ZNF207: variants seen among roughly 807,000 people sequenced by gnomAD.
The protein encoded by ZNF207 is zinc finger protein 207, also known as BUB3-interacting and GLEBS motif-containing protein ZNF207.
A neutral mutation model predicts 60.2 loss-of-function variants in ZNF207; 24 were observed. The ratio of observed to expected loss-of-function variants is 0.40; its 90% CI spans 0.29 to 0.56. The LOEUF is 0.56. Ranked by LOEUF, ZNF207 falls within the 20% of genes least tolerant of loss-of-function variation. The pLI, the probability that ZNF207 is intolerant of heterozygous loss-of-function variation, is 0.49. For missense variants in ZNF207, 452 were observed against 636.6 expected (o/e 0.71, Z 3.12); for synonymous variants, 236 against 194.7 (o/e 1.21, Z -1.77).
intron 3 of ZNF207, 62 bp downstream of exon 3, chr17:32,358,703 A>G: frequency 8.3e-7 from 1 of 1,202,730 alleles, no homozygotes; most frequent in Non-Finnish European, 1.1e-6. Context: ...TTTTTTTGAG[A>G]CAGAGGCTTA....
chr17:32,363,529 CTTT>C (rs746944466), intron 7 of ZNF207, among the ~76,000 whole-genome samples: 24 of 69,604 alleles, frequency 3.4e-4, no homozygotes, highest in African/African-American at 7.6e-4. Context: ...ATCCAACAAA[CTTT>C]TTTTTTTTTT....
intron 1 of ZNF207, among the ~76,000 whole-genome samples, chr17:32,350,577 T>C (rs555525928): frequency 2.0e-5 from 3 of 152,184 alleles, no homozygotes; most frequent in South Asian, 2.1e-4. Context: ...AATTTTGGAC[T>C]CCGGGAGGCG....
At chr17:32,367,241 A>ATATATATAT (rs1905211990) in intron 9 of ZNF207, among the ~76,000 whole-genome samples, 4 of 41,578 alleles carry the variant, frequency 9.6e-5, no homozygotes, top group Non-Finnish European at 1.7e-4. Context: ...GGAGGGGATT[A>ATATATATAT]TATATATATA....
chr17:32,355,638 G>GACA (rs1904463886), intron 2 of ZNF207, among the ~76,000 whole-genome samples: 1 of 152,212 alleles, frequency 6.6e-6, no homozygotes. Flanking sequence ...GCTACCAGAT[G>GACA]TCCTTTGTAA....
chr17:32,354,859 C>T lies in ZNF207; in HGVS notation c.168+2947C>T, dbSNP rs146351563. Among the ~76,000 whole-genome samples the T allele has an allele frequency of 1.8e-3, 278 of 152,272 alleles. 1 individual carries two copies. In the East Asian group the frequency reaches 0.022, roughly 12 times the overall value. Reference sequence around the variant, plus strand: ...TTGAACTCCTGACCTCCTGATCCACCTTCCTTGGCCTCCCAAAGTGCTGGG... The same window carrying T: ...TTGAACTCCTGACCTCCTGATCCACTTTCCTTGGCCTCCCAAAGTGCTGGG... On this transcript the variant is annotated intron_variant, in intron 2 of 11. Coordinates refer to ENST00000394670, the MANE Select transcript of ZNF207 (RefSeq NM_001098507.2).
chr17:32,369,860 T>A lies in ZNF207; in HGVS notation c.*101T>A. 8.2e-7 allele frequency: 1 copy of A among 1,213,752 alleles called. No individual in the cohort carries two copies. The highest frequency in any genetic ancestry group is 1.1e-6 in the Non-Finnish European group (1 of 933,344). The allele number at this position is 1,213,752 out of a possible 1,614,324, so 75.2% of individuals were successfully genotyped here. A position where few individuals can be genotyped will look rare whatever the true frequency, so the allele number is the denominator to read the frequency against. ...CGTCAATAAGGCTTCATTGTGACTT[T>A]AACAAACATTATCTTCCCACATACC... On this transcript the variant is annotated 3_prime_UTR_variant, in exon 12 of 12. Transcript: ENST00000394670.
At chr17:32,351,571 T>G (rs2041508113) in intron 1 of ZNF207, 1 of 1,533,394 alleles carries the variant, frequency 6.5e-7, no homozygotes, top group Non-Finnish European at 8.7e-7. Flanking sequence ...ATGTGTTTTT[T>G]GGGGTGGTGA....
At chr17:32,357,834 C>G (rs184388348) in intron 2 of ZNF207, among the ~76,000 whole-genome samples, 1 of 151,612 alleles carries the variant, frequency 6.6e-6, no homozygotes, top group Non-Finnish European at 1.5e-5. Context: ...GGGACTCTCC[C>G]TCTCACGCAG....
chr17:32,354,846 C>A (rs903168036), intron 2 of ZNF207, among the ~76,000 whole-genome samples: 1 of 151,904 alleles, frequency 6.6e-6, no homozygotes, highest in Non-Finnish European at 1.5e-5. Context: ...GAACTCCTGA[C>A]CTCCTGATCC....
Position 32,372,144 on chromosome 17 carries a change from CAAAAAAT to C in ZNF207, c.*2386_*2392del, listed in dbSNP as rs1201502403. ...TGAAACCCCGTTTCTACTAAAAATA[CAAAAAAT>C]TAGCTGGGCGTAGTTGCGGATGCCT... On this transcript the variant is annotated 3_prime_UTR_variant, in exon 12 of 12. Transcript: ENST00000394670. 1 of 152,226 alleles carries C rather than the reference CAAAAAAT, an allele frequency of 6.6e-6. No homozygotes were observed. Among genetic ancestry groups the C allele is most frequent in the Non-Finnish European group, 1.5e-5 (1 of 68,124 alleles). 9.4% of individuals were successfully genotyped at this position (152,226 alleles called of 1,614,324 possible).
chr17:32,352,013 G>A, intron 2 of ZNF207, 101 bp downstream of exon 2: 1 of 1,233,634 alleles, frequency 8.1e-7, no homozygotes, highest in Non-Finnish European at 1.1e-6. Flanking sequence ...TGTCGCCCAA[G>A]CTGGAGTGCA....
chr17:32,350,395 C>A, intron 1 of ZNF207, 69 bp downstream of exon 1: 1 of 1,602,108 alleles, frequency 6.2e-7, no homozygotes. Flanking sequence ...GACTAGGAGG[C>A]CTGGATTTGG....
intron 2 of ZNF207, among the ~76,000 whole-genome samples, chr17:32,357,047 C>T (rs889094862): frequency 3.3e-5 from 5 of 151,750 alleles, no homozygotes; most frequent in Non-Finnish European, 7.4e-5. Flanking sequence ...CCAGGCATGG[C>T]GGCACGCACC....
At chr17:32,359,181 C>T (rs747020194) in intron 3 of ZNF207, among the ~76,000 whole-genome samples, 7 of 152,066 alleles carry the variant, frequency 4.6e-5, no homozygotes, top group East Asian at 1.9e-4. Context: ...GGTGCGATCT[C>T]GGCTTACCAC....
At chr17:32,360,221 G>A (rs1475146461) in intron 3 of ZNF207, among the ~76,000 whole-genome samples, 1 of 137,402 alleles carries the variant, frequency 7.3e-6, no homozygotes, top group Non-Finnish European at 1.5e-5. Flanking sequence ...GTGGTGGCAT[G>A]TGTCTGCAGT....
In ZNF207 at chr17:32,360,538, A is replaced by G; in HGVS notation, c.308-60A>G. 4 of 1,461,114 alleles carry G rather than the reference A, an allele frequency of 2.7e-6. No individual in the cohort carries two copies. In the South Asian group the frequency reaches 4.0e-5, roughly 15 times the overall value. 90.5% of individuals were successfully genotyped at this position (1,461,114 alleles called of 1,614,324 possible). Reference sequence around the variant, plus strand: ...CCATATATGTATTTTTAAATATTGAATGTTGTAAATAAACTTTCTTAGTTT... The same window carrying G: ...CCATATATGTATTTTTAAATATTGAGTGTTGTAAATAAACTTTCTTAGTTT... On this transcript the variant is annotated intron_variant, in intron 3 of 11. Coordinates refer to ENST00000394670, the MANE Select transcript of ZNF207 (RefSeq NM_001098507.2).
At position 32,369,378 on chromosome 17, in the gene ZNF207, A is replaced by G. The variant is rs1388119352; in HGVS notation, c.1248A>G (p.Gly416=). The G allele has an allele frequency of 1.9e-6, 3 of 1,614,076 alleles. No homozygotes were observed. The highest frequency in any genetic ancestry group is 2.5e-6 in the Non-Finnish European group (3 of 1,179,992). Residue 416 remains glycine (G), a synonymous_variant, in exon 11 of 12, where the codon GGA becomes GGG. Coordinates refer to ENST00000394670, the MANE Select transcript of ZNF207 (RefSeq NM_001098507.2). ...GQAPIGNPPV[G]PIGGMMPPQP... ...CCCCCATCGGTAATCCACCAGTTGGACCAATTGGAGGTATGATGCCACCAC... is the reference window on the plus strand; with the variant it reads ...CCCCCATCGGTAATCCACCAGTTGGGCCAATTGGAGGTATGATGCCACCAC...
At chr17:32,369,272 C>A (rs539335416) in intron 10 of ZNF207, 23 bp from the exon 11 acceptor site, 1 of 1,610,956 alleles carries the variant, frequency 6.2e-7, no homozygotes, top group East Asian at 2.2e-5. Flanking sequence ...AGTATTTAGC[C>A]CTGCGCTTAT....
intron 7 of ZNF207, among the ~76,000 whole-genome samples, chr17:32,364,735 A>T (rs1905083828): frequency 6.6e-6 from 1 of 152,204 alleles, no homozygotes; most frequent in Admixed American, 6.5e-5. Flanking sequence ...ATGTAAATGG[A>T]CACAGGAAAA....
Sources: allele counts gnomAD v4.1 joint callset (sites outside exome capture counted in the v4.1 genomes callset), GRCh38; gene constraint gnomAD v4.1.1; transcripts MANE v1.5; gene names NCBI Gene and HGNC (gene_info 2026-07-23, HGNC 2026-07-21).